BMPR2: variants seen among roughly 807,000 people sequenced by gnomAD.
BMPR2 encodes bone morphogenetic protein receptor type-2.
In BMPR2, 29 loss-of-function variants were observed where a neutral mutation model predicts 100.8. The observed-to-expected ratio is 0.29, with a 90% CI of 0.21 to 0.39. BMPR2 has a LOEUF of 0.39. BMPR2 is among the 10% of genes least tolerant of loss of function. BMPR2 has a pLI of 1.00. For synonymous variants in BMPR2, 382 were observed against 442.3 expected, an observed-to-expected ratio of 0.86 and a Z score of 1.71; for missense variants, 1,011 against 1,274.5, an observed-to-expected ratio of 0.79 and a Z score of 3.15.
intron 1 of BMPR2, among the ~76,000 whole-genome samples, chr2:202,434,925 A>ATT (rs1691582980): frequency 1.7e-5 from 2 of 118,028 alleles, no homozygotes; most frequent in Admixed American, 9.3e-5. Flanking sequence ...ATATATATAT[A>ATT]TATATATATA....
intron 1 of BMPR2, among the ~76,000 whole-genome samples, chr2:202,378,480 CTTT>C (rs1161855393): frequency 6.6e-6 from 1 of 152,100 alleles, no homozygotes; most frequent in Non-Finnish European, 1.5e-5. Flanking sequence ...TTTCGAATTA[CTTT>C]TTTTCTTTTG....
chr2:202,507,260 C>T (rs529615341), intron 3 of BMPR2, among the ~76,000 whole-genome samples: 1 of 151,990 alleles, frequency 6.6e-6, no homozygotes, highest in African/African-American at 2.4e-5. Flanking sequence ...GTCCTTAGAT[C>T]TTATTTTTAA....
Position 202,562,844 on chromosome 2 carries a change from A to G in BMPR2, c.*2898A>G, listed in dbSNP as rs939321310. On this transcript the variant is annotated 3_prime_UTR_variant, in exon 13 of 13. Transcript: ENST00000374580. The stretch of plus-strand genomic sequence containing the variant: ...TCTAAATGCATAATTGGCAAAAAAA[A>G]AAACCCACTGTTACCAGTGTAGGAA... 7 of 152,134 alleles carry G rather than the reference A, an allele frequency of 4.6e-5. No individual in the cohort carries two copies. Among genetic ancestry groups the G allele is most frequent in the African/African-American group, 1.4e-4 (6 of 41,442 alleles). The allele number at this position is 152,134 out of a possible 1,614,324, so 9.4% of individuals were successfully genotyped here.
chr2:202,435,380 T>C (rs113876909), intron 1 of BMPR2, among the ~76,000 whole-genome samples: 35 of 72,164 alleles, frequency 4.9e-4, no homozygotes, highest in East Asian at 3.5e-3. Context: ...AAAATACATA[T>C]ATATATATAT....
chr2:202,436,337 T>C (rs1398332365), intron 1 of BMPR2, among the ~76,000 whole-genome samples: 1 of 150,248 alleles, frequency 6.7e-6, no homozygotes, highest in Non-Finnish European at 1.5e-5. Flanking sequence ...TCCCAGCTAC[T>C]TGGGGGCCTG....
chr2:202,418,527 T>A (rs1392941166), intron 1 of BMPR2, among the ~76,000 whole-genome samples: 1 of 152,198 alleles, frequency 6.6e-6, no homozygotes, highest in Non-Finnish European at 1.5e-5. Flanking sequence ...CCAAGGTGCT[T>A]GGGTTACAGC....
intron 1 of BMPR2, among the ~76,000 whole-genome samples, chr2:202,385,150 T>G (rs1253253940): frequency 6.6e-6 from 1 of 152,074 alleles, no homozygotes; most frequent in African/African-American, 2.4e-5. Flanking sequence ...AGACTTTCTA[T>G]TATTATTAAT....
In BMPR2 at chr2:202,464,757, A is replaced by G. The variant is rs375690035; in HGVS notation, c.77-52A>G. The G allele has an allele frequency of 9.3e-5, 140 of 1,506,530 alleles. 2 individuals are homozygous for G. In the South Asian group the frequency reaches 1.1e-3, roughly 12 times the overall value. The allele number at this position is 1,506,530 out of a possible 1,614,324, so 93.3% of individuals were successfully genotyped here. On this transcript the variant is annotated intron_variant, in intron 1 of 12. Coordinates refer to ENST00000374580, the MANE Select transcript of BMPR2 (RefSeq NM_001204.7). ...TCGGATAAGACAAAGATTTTATATAATATTTTGAAAACATTAAATAATTTG... is the reference window on the plus strand; with the variant it reads ...TCGGATAAGACAAAGATTTTATATAGTATTTTGAAAACATTAAATAATTTG...
chr2:202,380,392 A>G (rs1472499122), intron 1 of BMPR2, among the ~76,000 whole-genome samples: 1 of 152,188 alleles, frequency 6.6e-6, no homozygotes, highest in Non-Finnish European at 1.5e-5. Flanking sequence ...GATTAATCTA[A>G]TGTTAGTGAA....
Position 202,555,265 on chromosome 2 carries a change from A to G in BMPR2, c.1600A>G (p.Asn534Asp), listed in dbSNP as rs1241287875. 6.8e-6 allele frequency: 11 copies of G among 1,613,956 alleles called. No homozygotes were observed. The Admixed American group carries it at 1.7e-4, about 24-fold the overall frequency. ...TCTTTCTTTAAGCAACCTGTCACAT[A>G]ATAGGCGTGTGCCAAAAATTGGTCC... is the stretch of plus-strand genomic sequence containing the variant. ...AMQNERNLSHNRRVPKIGPYP... is the reference protein window; with the variant it reads ...AMQNERNLSHDRRVPKIGPYP... The change falls in exon 12 of 13, where the codon AAT becomes GAT. Residue 534 changes from asparagine (N) to aspartate (D), a missense_variant. Physicochemically the swap from Asn to Asp is conservative, Grantham distance 23. This residue lies in a region of BMPR2 where 508 missense variants were observed against 552.0 expected (regional missense o/e 0.92). Coordinates refer to ENST00000374580, the MANE Select transcript of BMPR2 (RefSeq NM_001204.7).
intron 9 of BMPR2, among the ~76,000 whole-genome samples, chr2:202,534,449 G>T (rs1463099768): frequency 6.6e-6 from 1 of 151,754 alleles, no homozygotes; most frequent in East Asian, 1.9e-4. Flanking sequence ...AGATTAGGGA[G>T]TGGTGATGAC....
intron 3 of BMPR2, among the ~76,000 whole-genome samples, chr2:202,478,050 G>A (rs530767885): frequency 1.3e-5 from 2 of 152,278 alleles, no homozygotes; most frequent in East Asian, 3.9e-4. Context: ...AGTCACCCAA[G>A]GTGCACGTTC....
chr2:202,531,159 C>G (rs534560337), intron 8 of BMPR2, among the ~76,000 whole-genome samples: 3 of 152,058 alleles, frequency 2.0e-5, no homozygotes, highest in Admixed American at 2.0e-4. Flanking sequence ...AAAAATTAGC[C>G]GGGCACAGTG....
intron 2 of BMPR2, 66 bp downstream of exon 2, chr2:202,465,045 C>A: frequency 6.4e-7 from 1 of 1,571,312 alleles, no homozygotes; most frequent in Non-Finnish European, 8.8e-7. Context: ...CTAAAAAGGA[C>A]ATGGGAGTAT....
intron 7 of BMPR2, chr2:202,520,713 A>G (rs1257109357): frequency 1.3e-5 from 2 of 156,252 alleles, no homozygotes; most frequent in African/African-American, 4.8e-5. Flanking sequence ...CCCCTGCCAT[A>G]TGACAAGAAA....
At position 202,532,876 on chromosome 2, in the gene BMPR2, G is replaced by A. The variant is rs1488302421; in HGVS notation, c.1276+144G>A. 1.8e-5 allele frequency: 19 copies of A among 1,038,310 alleles called. No homozygotes were observed. The African/African-American group carries it at 3.1e-4, about 17-fold the overall frequency. 64.3% of individuals were successfully genotyped at this position (1,038,310 alleles called of 1,614,324 possible). Reference sequence around the variant, plus strand: ...TTAGTTCATTGCTATCTAGTGTTTAGAAACATTATTAGCAGCAGGATGCAA... The same window carrying A: ...TTAGTTCATTGCTATCTAGTGTTTAAAAACATTATTAGCAGCAGGATGCAA... On this transcript the variant is annotated intron_variant, in intron 9 of 12. Transcript: ENST00000374580. This position sits in a 1 kb window ranked among gnomAD's most constrained non-coding sequence, Gnocchi z 4.1.
intron 1 of BMPR2, among the ~76,000 whole-genome samples, chr2:202,420,483 C>T (rs1691233818): frequency 6.7e-6 from 1 of 148,678 alleles, no homozygotes; most frequent in Non-Finnish European, 1.5e-5. Flanking sequence ...ACTAAATATG[C>T]GTTTATAACC....
chr2:202,542,478 AC>A, intron 10 of BMPR2, 31 bp downstream of exon 10: 1 of 1,610,446 alleles, frequency 6.2e-7, no homozygotes, highest in Non-Finnish European at 8.5e-7. Context: ...TAAAGAGAGG[AC>A]TTATGACTGA....
At chr2:202,404,005 CA>C (rs536716050) in intron 1 of BMPR2, among the ~76,000 whole-genome samples, 16,594 of 93,614 alleles carry the variant, frequency 0.18, 941 homozygotes, top group Admixed American at 0.2. Flanking sequence ...AACTCCGTCT[CA>C]AAAAAAAAAA....
Sources: gnomAD v4.1 joint callset for allele counts (sites outside exome capture counted in the v4.1 genomes callset) on GRCh38, gnomAD v4.1.1 for gene constraint, gnomAD v4.1.1 regional missense constraint, Gnocchi (gnomAD v3.1) non-coding constraint, MANE v1.5 for transcripts, NCBI Gene and HGNC (gene_info 2026-07-23, HGNC 2026-07-21) for gene names.